AHCYL2: variants seen among roughly 807,000 people sequenced by gnomAD.
The protein encoded by AHCYL2 is S-adenosylhomocysteine hydrolase-like protein 2.
AHCYL2 carries 28 observed loss-of-function variants against 81.4 expected under a neutral mutation model. The observed-to-expected ratio is 0.34, with a 90% CI of 0.25 to 0.47. AHCYL2 has a LOEUF of 0.47. Among genes scored for constraint, AHCYL2 ranks in the 20% least tolerant of loss-of-function variants. The pLI, the probability that AHCYL2 is intolerant of heterozygous loss-of-function variation, is 1.00. For missense variants in AHCYL2, 551 were observed against 785.1 expected (o/e 0.70, Z 3.56); for synonymous variants, 272 against 290.2 (o/e 0.94, Z 0.64).
In AHCYL2 at chr7:129,389,710, C is replaced by A; in HGVS notation, c.696C>A (p.Cys232Ter). ...TGGCTGGAGCCAAAATCGTGGGTTGCACACACATCACTGCTCAGACTGCTG... is the reference window on the plus strand; with the variant it reads ...TGGCTGGAGCCAAAATCGTGGGTTGAACACACATCACTGCTCAGACTGCTG... The part of the protein sequence containing the change: ...KPLAGAKIVG[C>*]THITAQTAVL... The change falls in exon 4 of 17, where the codon TGC (cysteine) becomes TGA (stop). Residue 232 changes from cysteine to a stop codon, truncating the protein, a stop_gained. Transcript: ENST00000325006. LOFTEE classifies it high-confidence loss of function. 6.2e-7 allele frequency: 1 copy of A among 1,613,542 alleles called. No homozygotes were observed. Among genetic ancestry groups the A allele is most frequent in the Non-Finnish European group, 8.5e-7 (1 of 1,179,718 alleles).
intron 1 of AHCYL2, among the ~76,000 whole-genome samples, chr7:129,273,939 A>C (rs757377064): frequency 6.6e-6 from 1 of 152,236 alleles, no homozygotes; most frequent in Non-Finnish European, 1.5e-5. Flanking sequence ...CCAATCATCT[A>C]TAGGCAGGAA....
At chr7:129,362,062 C>T (rs1478040318) in intron 1 of AHCYL2, among the ~76,000 whole-genome samples, 1 of 152,098 alleles carries the variant, frequency 6.6e-6, no homozygotes, top group Admixed American at 6.6e-5. Flanking sequence ...CTACTCTGCT[C>T]TATCTAGTTT....
chr7:129,321,766 G>GTTTTTTTTTTTTTT (rs1315391980), intron 1 of AHCYL2, among the ~76,000 whole-genome samples: 9 of 107,462 alleles, frequency 8.4e-5, no homozygotes, highest in East Asian at 2.9e-4. Context: ...TTTTTTTTTG[G>GTTTTTTTTTTTTTT]TCTTGGTTTT....
chr7:129,375,275 C>A (rs1794624552), intron 1 of AHCYL2, among the ~76,000 whole-genome samples: 2 of 152,140 alleles, frequency 1.3e-5, no homozygotes, highest in Non-Finnish European at 2.9e-5. Flanking sequence ...CCCAGTCTGG[C>A]TAATCCAAGG....
intron 1 of AHCYL2, among the ~76,000 whole-genome samples, chr7:129,327,190 A>G (rs945320448): frequency 5.9e-5 from 9 of 152,160 alleles, no homozygotes; most frequent in Non-Finnish European, 1.2e-4. Flanking sequence ...ATGAGGTCAT[A>G]AGTGTGGAGT....
At chr7:129,332,901 GGTCCTGA>G (rs1798471401) in intron 1 of AHCYL2, among the ~76,000 whole-genome samples, 1 of 152,062 alleles carries the variant, frequency 6.6e-6, no homozygotes, top group African/African-American at 2.4e-5. Context: ...TTACATTTCT[GGTCCTGA>G]TTCTCACTCT....
chr7:129,334,326 C>A (rs912458834), intron 1 of AHCYL2, among the ~76,000 whole-genome samples: 2 of 152,124 alleles, frequency 1.3e-5, no homozygotes, highest in African/African-American at 2.4e-5. Flanking sequence ...TTTTGTTTTT[C>A]TTTGCTGCCG....
At chr7:129,375,986 C>G in intron 1 of AHCYL2, 1 of 1,528,506 alleles carries the variant, frequency 6.5e-7, no homozygotes, top group Non-Finnish European at 8.8e-7. Context: ...TGTAAAAGGC[C>G]GACTGCTTAT....
chr7:129,320,075 A>C (rs1428536190), intron 1 of AHCYL2, among the ~76,000 whole-genome samples: 2 of 152,126 alleles, frequency 1.3e-5, no homozygotes, highest in African/African-American at 4.8e-5. Context: ...AGTCGTTCTA[A>C]TGGGTGTGTA....
At chr7:129,424,578 A>G (rs193205871) in intron 13 of AHCYL2, 1 of 447,752 alleles carries the variant, frequency 2.2e-6, no homozygotes, top group African/African-American at 2.0e-5. Flanking sequence ...AGAGTGGAAA[A>G]TTCAAGAGAA....
intron 1 of AHCYL2, among the ~76,000 whole-genome samples, chr7:129,251,056 T>TA (rs1438928895): frequency 6.6e-6 from 1 of 152,246 alleles, no homozygotes; most frequent in African/African-American, 2.4e-5. Flanking sequence ...TGTTTTCTCT[T>TA]AAAGTGAAAT....
intron 1 of AHCYL2, among the ~76,000 whole-genome samples, chr7:129,282,370 T>C (rs1796474588): frequency 6.6e-6 from 1 of 152,162 alleles, no homozygotes; most frequent in South Asian, 2.1e-4. Flanking sequence ...ATTAAACTGC[T>C]TAAAGTGTTC....
intron 1 of AHCYL2, among the ~76,000 whole-genome samples, chr7:129,230,379 G>GC (rs1293231734): frequency 6.6e-6 from 1 of 151,900 alleles, no homozygotes; most frequent in East Asian, 1.9e-4. Flanking sequence ...ACCGCGCCCG[G>GC]CTATTTAATT....
At chr7:129,232,139 T>C (rs1212486984) in intron 1 of AHCYL2, among the ~76,000 whole-genome samples, 2 of 152,158 alleles carry the variant, frequency 1.3e-5, no homozygotes, top group African/African-American at 4.8e-5. Flanking sequence ...TCTACAGTGC[T>C]CCAAGGTGAA....
In AHCYL2 at chr7:129,419,380, G is replaced by A. The variant is rs1253473776; in HGVS notation, c.1462-3460G>A. ...ACCAGCCTGACCAACATGGTGAAAC[G>A]CCATATCTACTAAAAATACAAAAAT... On this transcript the variant is annotated intron_variant, in intron 12 of 16. Coordinates refer to ENST00000325006, the MANE Select transcript of AHCYL2 (RefSeq NM_015328.4). The surrounding 1 kb of genome is among the most constrained non-coding windows in gnomAD (Gnocchi z 4.7). 6.6e-6 allele frequency among the ~76,000 whole-genome samples: 1 copy of A among 152,036 alleles called. No individual in the cohort carries two copies. Among genetic ancestry groups the A allele is most frequent in the Non-Finnish European group, 1.5e-5 (1 of 67,988 alleles).
intron 1 of AHCYL2, among the ~76,000 whole-genome samples, chr7:129,256,457 T>C (rs1795422677): frequency 6.6e-6 from 1 of 151,594 alleles, no homozygotes; most frequent in Non-Finnish European, 1.5e-5. Flanking sequence ...ACCAATAAAA[T>C]ACTTATATCC....
chr7:129,229,591 G>A (rs1794347626), intron 1 of AHCYL2, among the ~76,000 whole-genome samples: 1 of 152,170 alleles, frequency 6.6e-6, no homozygotes, highest in Non-Finnish European at 1.5e-5. Context: ...TAACTTCTTA[G>A]ATGCTGAGTT....
intron 1 of AHCYL2, among the ~76,000 whole-genome samples, chr7:129,321,580 T>C (rs940509119): frequency 6.6e-6 from 1 of 152,210 alleles, no homozygotes; most frequent in Non-Finnish European, 1.5e-5. Flanking sequence ...TTAAGAACTT[T>C]TACATCTGTG....
Position 129,225,240 on chromosome 7 carries a change from C to T in AHCYL2, c.164C>T (p.Pro55Leu). Residue 55 changes from proline (P) to leucine (L), a missense_variant, in exon 1 of 17, where the codon CCC becomes CTC. This residue lies in a region of AHCYL2 where 235 missense variants were observed against 242.1 expected (regional missense o/e 0.97). Transcript: ENST00000325006. ...AGGGDPEAPA[P>L]AAERPPVPGP... ...GGTGGAGACCCTGAGGCTCCAGCTC[C>T]CGCCGCGGAGCGGCCCCCGGTCCCC... is the stretch of plus-strand genomic sequence containing the variant. The T allele has an allele frequency of 6.8e-7, 1 of 1,473,568 alleles. No individual in the cohort carries two copies. Among genetic ancestry groups the T allele is most frequent in the Non-Finnish European group, 8.9e-7 (1 of 1,121,012 alleles). 91.3% of individuals were successfully genotyped at this position (1,473,568 alleles called of 1,614,324 possible). A position where few individuals can be genotyped will look rare whatever the true frequency, so the allele number is the denominator to read the frequency against.
Sources: allele counts gnomAD v4.1 joint callset (sites outside exome capture counted in the v4.1 genomes callset), GRCh38; gene constraint gnomAD v4.1.1; regional missense constraint gnomAD v4.1.1; non-coding constraint Gnocchi (gnomAD v3.1); transcripts MANE v1.5; gene names NCBI Gene and HGNC (gene_info 2026-07-23, HGNC 2026-07-21).